The following TTN variants were observed in gnomAD, a reference collection of about 807,000 sequenced individuals.
TTN encodes connectin.
A neutral mutation model predicts 3,223.0 loss-of-function variants in TTN; 1,525 were observed. The ratio of observed to expected loss-of-function variants is 0.47; its 90% CI spans 0.45 to 0.49. The LOEUF is 0.49. TTN is among the 20% of genes least tolerant of loss of function. The pLI, the probability that TTN is intolerant of heterozygous loss-of-function variation, is 0.00. For missense variants in TTN, 40,786 were observed against 43,424.0 expected, an observed-to-expected ratio of 0.94 and a Z score of 5.40; for synonymous variants, 14,094 against 15,161.0, an observed-to-expected ratio of 0.93 and a Z score of 5.17.
intron 223 of TTN, 68 bp downstream of exon 223, chr2:178,639,631 A>G: frequency 6.7e-7 from 1 of 1,494,944 alleles, no homozygotes; most frequent in Non-Finnish European, 9.2e-7. Context: ...TTGAATTTTA[A>G]TCAAGTGTGA....
chr2:178,585,147 C>A lies in TTN; in HGVS notation c.64597G>T (p.Asp21533Tyr), dbSNP rs1484580543. 6.2e-7 allele frequency: 1 copy of A among 1,613,358 alleles called. No homozygotes were observed. The highest frequency in any genetic ancestry group is 8.5e-7 in the Non-Finnish European group (1 of 1,179,464). The part of the protein sequence containing the change: ...ILIIKDVTRK[D>Y]SGYYSLTAEN... ...GCTGTGAGGCTGTAGTAACCACTGTCTTTCCTAGTCACATCTTTTATGATC... is the reference window on the plus strand; with the variant it reads ...GCTGTGAGGCTGTAGTAACCACTGTATTTCCTAGTCACATCTTTTATGATC... The change falls in exon 309 of 363, where the codon GAC becomes TAC. Residue 21533 changes from aspartate to tyrosine, a missense_variant. Asp to Tyr is a radical substitution (Grantham distance 160). Transcript: ENST00000589042.
intron 293 of TTN, 30 bp from the exon 294 acceptor site, chr2:178,597,849 T>C (rs1363974120): frequency 1.9e-6 from 3 of 1,612,484 alleles, no homozygotes; most frequent in Non-Finnish European, 2.5e-6. Flanking sequence ...ACAAATGTGA[T>C]TTTTCCCCTT....
rs778099881 is a variant in TTN, at chr2:178,609,367, C to T, written c.51943G>A (p.Val17315Ile). ...CTCAAACGCTGTGTCAGAGGCAGGACAAATGGTTCTTCTTCTTGAACTTCA... is the reference window on the plus strand; with the variant it reads ...CTCAAACGCTGTGTCAGAGGCAGGATAAATGGTTCTTCTTCTTGAACTTCA... Reference protein sequence around the residue: ...KGEVQEEEPFVLPLTQRLSID... With the variant: ...KGEVQEEEPFILPLTQRLSID... The change falls in exon 273 of 363, where the codon GTC becomes ATC. Residue 17315 changes from valine to isoleucine, a missense_variant. Coordinates refer to ENST00000589042, the MANE Select transcript of TTN (RefSeq NM_001267550.2). The T allele has an allele frequency of 8.7e-6, 14 of 1,612,146 alleles. No homozygotes were observed. The highest frequency in any genetic ancestry group is 1.6e-4 in the Middle Eastern group (1 of 6,072).
Position 178,616,482 on chromosome 2 carries a change from A to G in TTN, c.48309T>C (p.Thr16103=), listed in dbSNP as rs1407101186. Residue 16103 remains threonine, a synonymous_variant, in exon 257 of 363, where the codon ACT becomes ACC. Coordinates refer to ENST00000589042, the MANE Select transcript of TTN (RefSeq NM_001267550.2). The part of the protein sequence containing the change: ...EKREVSRKTW[T]KVMDFVTDLE... ...TGCAGTGCTGCTCAAAACTCACTTT[A>G]GTCCATGTTTTCCGGCTGACTTCTC... is the stretch of plus-strand genomic sequence containing the variant. 1 of 1,612,132 alleles carries G rather than the reference A, an allele frequency of 6.2e-7. No homozygotes were observed. The highest frequency in any genetic ancestry group is 8.5e-7 in the Non-Finnish European group (1 of 1,178,768).
Position 178,560,410 on chromosome 2 carries a change from G to A in TTN, c.85722C>T (p.Pro28574=), listed in dbSNP as rs763685410. The change falls in exon 326 of 363, where the codon CCC becomes CCT. Residue 28574 remains proline (P), a synonymous_variant. Coordinates refer to ENST00000589042, the MANE Select transcript of TTN (RefSeq NM_001267550.2). ...ATATTTCACTACCTCCATCACTCTC[G>A]GGTCTTGACCAGCAAAGTGTCATAG... ...KESMTLCWSR[P]ESDGGSEISG... 4.3e-6 allele frequency: 7 copies of A among 1,613,380 alleles called. No homozygotes were observed. Among genetic ancestry groups the A allele is most frequent in the African/African-American group, 4.0e-5 (3 of 74,894 alleles).
rs745627636 is a variant in TTN, at chr2:178,579,760, A to T, written c.67437T>A (p.Gly22479=). The change falls in exon 319 of 363, where the codon GGT becomes GGA. Residue 22479 remains glycine (G), a synonymous_variant. Transcript: ENST00000589042. ...SIGWKKPHSD[G]GSRIIGYVVD... is the part of the protein sequence containing the mutation. Reference sequence around the variant, plus strand: ...CTACATATCCAATAATCCGACTTCCACCATCACTGTGAGGCTTTTTCCAGC... The same window carrying T: ...CTACATATCCAATAATCCGACTTCCTCCATCACTGTGAGGCTTTTTCCAGC... The T allele has an allele frequency of 3.1e-6, 5 of 1,613,314 alleles. No homozygotes were observed. In the South Asian group the frequency reaches 5.5e-5, roughly 18 times the overall value.
intron 282 of TTN, among the ~76,000 whole-genome samples, chr2:178,603,643 A>G (rs1363159604): frequency 6.6e-6 from 1 of 151,944 alleles, no homozygotes; most frequent in Non-Finnish European, 1.5e-5. Flanking sequence ...ATTTGGTTTA[A>G]TCCAAGAGTT....
Position 178,559,585 on chromosome 2 carries a change from T to G in TTN, c.86547A>C (p.Pro28849=). 1.2e-6 allele frequency: 2 copies of G among 1,613,896 alleles called. No homozygotes were observed. Among genetic ancestry groups the G allele is most frequent in the Non-Finnish European group, 1.7e-6 (2 of 1,179,782 alleles). Reference sequence around the variant, plus strand: ...TTACATCTTGCACAGTAATGTTGGTTGGAGGACCTGGGGTATCTAAAACTT... The same window carrying G: ...TTACATCTTGCACAGTAATGTTGGTGGGAGGACCTGGGGTATCTAAAACTT... ...VVKVLDTPGP[P]TNITVQDVTK... The change falls in exon 326 of 363, where the codon CCA becomes CCC. Residue 28849 remains proline, a synonymous_variant. Transcript: ENST00000589042.
chr2:178,535,638 T>C lies in TTN; in HGVS notation c.100977A>G (p.Val33659=), dbSNP rs1213808009. Residue 33659 remains valine, a synonymous_variant, in exon 358 of 363, where the codon GTA becomes GTG. Transcript: ENST00000589042. ...SFTSLVFPNG[V]ERKDAGFYVV... is the part of the protein sequence containing the mutation. ...CATAGAAACCAGCATCTTTTCTCTC[T>C]ACCCCATTGGGGAAAACAAGTGATG... 1 of 1,613,728 alleles carries C rather than the reference T, an allele frequency of 6.2e-7. No individual in the cohort carries two copies. Among genetic ancestry groups the C allele is most frequent in the South Asian group, 1.1e-5 (1 of 91,082 alleles).
In TTN at chr2:178,609,721, A is replaced by C. The variant is rs761261461; in HGVS notation, c.51702T>G (p.Ser17234=). The change falls in exon 272 of 363, where the codon TCT becomes TCG. Residue 17234 remains serine, a synonymous_variant. Transcript: ENST00000589042. ...CAGCTTTGGTTGGAGGAGTAGCCCGAGAAGGTTCACTAATACCCGCGGCGT... is the reference window on the plus strand; with the variant it reads ...CAGCTTTGGTTGGAGGAGTAGCCCGCGAAGGTTCACTAATACCCGCGGCGT... ...AENAAGISEP[S]RATPPTKAVD... is the part of the protein sequence containing the mutation. The C allele has an allele frequency of 6.2e-7, 1 of 1,608,258 alleles. No individual in the cohort carries two copies. The highest frequency in any genetic ancestry group is 2.2e-5 in the East Asian group (1 of 44,698).
intron 78 of TTN, 30 bp downstream of exon 78, chr2:178,721,817 C>T (rs374148057): frequency 3.4e-6 from 5 of 1,463,196 alleles, no homozygotes; most frequent in Non-Finnish European, 4.5e-6. Flanking sequence ...TGGTAAGGAA[C>T]AAATATTGTC....
Position 178,732,049 on chromosome 2 carries a change from GCAAAGTGAACA to G in TTN, c.16903+6_16903+16del. 6.3e-7 allele frequency: 1 copy of G among 1,592,202 alleles called. No homozygotes were observed. Among genetic ancestry groups the G allele is most frequent in the Non-Finnish European group, 8.6e-7 (1 of 1,166,604 alleles). ...GGCCATAACTTTGGCAACACAAGAG[GCAAAGTGAACA>G]CAAACCTTTGACTATTACAATGCTA... On this transcript the variant is annotated splice_donor_region_variant and intron_variant, in intron 57 of 362. Transcript: ENST00000589042.
In TTN at chr2:178,665,409, A is replaced by C. The variant is rs1045086155; in HGVS notation, c.36011T>G (p.Val12004Gly). Residue 12004 changes from valine (V) to glycine (G), a missense_variant, in exon 165 of 363, where the codon GTA (valine) becomes GGA (glycine). Transcript: ENST00000589042. ...ACGTGGAGTTTCTGGCTCTTCAGGT[A>C]CATCCTCAAATATTTTCATTTCAGG... ...VVPEMKIFED[V>G]PEEPETPRMK... 6.2e-7 allele frequency: 1 copy of C among 1,612,382 alleles called. No homozygotes were observed. Among genetic ancestry groups the C allele is most frequent in the Non-Finnish European group, 8.5e-7 (1 of 1,179,628 alleles).
chr2:178,605,327 A>G (rs1226284706), intron 279 of TTN, 32 bp from the exon 280 acceptor site: 1 of 1,539,000 alleles, frequency 6.5e-7, no homozygotes, highest in Admixed American at 2.1e-5. Context: ...AAACAGTAAC[A>G]AAGTCATAAG....
At position 178,595,656 on chromosome 2, in the gene TTN, G is replaced by A; in HGVS notation, c.57698C>T (p.Pro19233Leu). ...TTGTCGGGTAACTGTATATGTCACT[G>A]GGGTCCATGCTCTGCGGTCAGATTC... ...KRESDRRAWT[P>L]VTYTVTRQNA... The change falls in exon 295 of 363, where the codon CCA becomes CTA. Residue 19233 changes from proline (P) to leucine (L), a missense_variant. Coordinates refer to ENST00000589042, the MANE Select transcript of TTN (RefSeq NM_001267550.2). 1 of 1,607,942 alleles carries A rather than the reference G, an allele frequency of 6.2e-7. No homozygotes were observed. The highest frequency in any genetic ancestry group is 1.1e-5 in the South Asian group (1 of 89,764).
chr2:178,702,016 A>T (rs1467659853), intron 109 of TTN, 24 bp downstream of exon 109: 1 of 1,606,232 alleles, frequency 6.2e-7, no homozygotes, highest in African/African-American at 1.3e-5. Context: ...GTAAGCAAGG[A>T]TTGATTTTTA....
At chr2:178,701,283 C>A (rs1280611439) in intron 110 of TTN, 80 bp from the exon 111 acceptor site, 3 of 1,292,536 alleles carry the variant, frequency 2.3e-6, no homozygotes, top group Non-Finnish European at 3.3e-6. Flanking sequence ...TCATGCATTT[C>A]TTTCAGTACT....
At position 178,542,757 on chromosome 2, in the gene TTN, A is replaced by C. The variant is rs1695213145; in HGVS notation, c.97097T>G (p.Ile32366Ser). 6.2e-7 allele frequency: 1 copy of C among 1,613,782 alleles called. No individual in the cohort carries two copies. The highest frequency in any genetic ancestry group is 8.5e-7 in the Non-Finnish European group (1 of 1,179,772). The change falls in exon 348 of 363, where the codon ATC (isoleucine) becomes AGC (serine). Residue 32366 changes from isoleucine (I) to serine (S), a missense_variant. Ile to Ser is a moderately radical substitution (Grantham distance 142, BLOSUM62 -2). Coordinates refer to ENST00000589042, the MANE Select transcript of TTN (RefSeq NM_001267550.2). ...ETHTKVAKLT[I>S]RETTIRDTGE... ...AGTATCTCTGATAGTGGTTTCACGG[A>C]TGGTTAATTTAGCTACTTTAGTGTG...
rs746911773 is a variant in TTN, at chr2:178,705,306, CATG to C, written c.29469_29471del (p.Ile9823del). 1.9e-6 allele frequency: 3 copies of C among 1,611,166 alleles called. No homozygotes were observed. The highest frequency in any genetic ancestry group is 1.1e-5 in the South Asian group (1 of 90,270). On this transcript the variant is annotated inframe_deletion, in exon 103 of 363. Transcript: ENST00000589042. Reference sequence around the variant, plus strand: ...TAGGATCAACATTTTTGAGAAGTTCCATGATATCAATTTCCTCTTCTTCTCCAG... The same window carrying C: ...TAGGATCAACATTTTTGAGAAGTTCCATATCAATTTCCTCTTCTTCTCCAG...
Sources: allele counts gnomAD v4.1 joint callset (sites outside exome capture counted in the v4.1 genomes callset), GRCh38; gene constraint gnomAD v4.1.1; transcripts MANE v1.5; gene names NCBI Gene and HGNC (gene_info 2026-07-23, HGNC 2026-07-21).